BRAT1: variants seen among roughly 807,000 people sequenced by gnomAD.
BRAT1 encodes BRCA1 associated ATM activator 1.
In BRAT1, 74 loss-of-function variants were observed where a neutral mutation model predicts 70.6. The observed-to-expected ratio is 1.05, with a 90% CI of 0.87 to 1.27. BRAT1 has a LOEUF of 1.27. Ranked by LOEUF, BRAT1 falls within the 50% of genes most tolerant of loss-of-function variation. The pLI, the probability that BRAT1 is intolerant of heterozygous loss-of-function variation, is 0.00. For missense variants in BRAT1, 1,203 were observed against 1,098.2 expected (o/e 1.10, Z -1.35); for synonymous variants, 615 against 517.1 (o/e 1.19, Z -2.57).
intron 7 of BRAT1, 82 bp from the exon 8 acceptor site, chr7:2,541,918 A>G: frequency 6.8e-7 from 1 of 1,461,938 alleles, no homozygotes; most frequent in South Asian, 1.2e-5. Flanking sequence ...GTCACCACCC[A>G]CAGCACAGGC....
At chr7:2,545,525 C>CT in intron 3 of BRAT1, among the ~76,000 whole-genome samples, 2 of 137,192 alleles carry the variant, frequency 1.5e-5, no homozygotes, top group South Asian at 4.5e-4. Flanking sequence ...CAGTCCCACT[C>CT]TGTTGCCTAG....
At chr7:2,540,767 A>C in intron 10 of BRAT1, 1 of 455,636 alleles carries the variant, frequency 2.2e-6, no homozygotes, top group South Asian at 5.8e-5. Context: ...ACGGCCCCAC[A>C]CACCCCTGCG....
intron 3 of BRAT1, among the ~76,000 whole-genome samples, chr7:2,545,496 C>CTT (rs71550356): frequency 0.13 from 17,198 of 129,822 alleles, 1,644 homozygotes; most frequent in Admixed American, 0.17. Context: ...CTTTCTTCTT[C>CTT]TTTTTTTTTT....
At chr7:2,544,800 A>G in intron 4 of BRAT1, 109 bp downstream of exon 4, 2 of 1,449,062 alleles carry the variant, frequency 1.4e-6, no homozygotes, top group Non-Finnish European at 1.8e-6. Flanking sequence ...TCTTTGCAAC[A>G]ACCCTGAGAC....
chr7:2,542,740 A>C, intron 6 of BRAT1: 1 of 173,376 alleles, frequency 5.8e-6, no homozygotes, highest in Non-Finnish European at 1.3e-5. Context: ...GGTCACTTCC[A>C]CCCCTATTGT....
rs1253049190 is a variant in BRAT1 at position 2,543,997 on chromosome 7, G to A, written c.431-35C>T. On this transcript the variant is annotated intron_variant, in intron 4 of 13. Transcript: ENST00000340611. The surrounding 1 kb of genome is among the most constrained non-coding windows in gnomAD (Gnocchi z 5.5). ...GGATGGGGGAAGAGAGGGAAAAGGGGGTGAGCCAGAATAGAGCTGGGGGAG... is the reference window on the plus strand; with the variant it reads ...GGATGGGGGAAGAGAGGGAAAAGGGAGTGAGCCAGAATAGAGCTGGGGGAG... 4 of 1,510,274 alleles carry A rather than the reference G, an allele frequency of 2.6e-6. No homozygotes were observed. The highest frequency in any genetic ancestry group is 2.8e-5 in the African/African-American group (2 of 71,288). 93.6% of individuals were successfully genotyped at this position (1,510,274 alleles called of 1,614,324 possible). A position where few individuals can be genotyped will look rare whatever the true frequency, so the allele number is the denominator to read the frequency against.
chr7:2,550,481 C>CAAAAAAAAAAA (rs369777124), intron 2 of BRAT1, among the ~76,000 whole-genome samples: 10 of 57,562 alleles, frequency 1.7e-4, no homozygotes, highest in African/African-American at 6.4e-4. Flanking sequence ...AAAAAAAAAA[C>CAAAAAAAAAAA]AAAAAAAAAA....
chr7:2,540,019 G>T, intron 10 of BRAT1, 131 bp from the exon 11 acceptor site: 1 of 633,280 alleles, frequency 1.6e-6, no homozygotes, highest in South Asian at 2.2e-5. Context: ...GAGAGAGAAG[G>T]GAACGCTGGG....
intron 8 of BRAT1, 98 bp downstream of exon 8, chr7:2,541,620 G>C: frequency 1.4e-6 from 2 of 1,465,858 alleles, no homozygotes; most frequent in Non-Finnish European, 1.8e-6. Context: ...GGATGCAAGG[G>C]TGCTGGGGCA....
At chr7:2,553,045 A>C (rs6956007) in intron 2 of BRAT1, among the ~76,000 whole-genome samples, 13,152 of 151,288 alleles carry the variant, frequency 0.087, 1,254 homozygotes, top group East Asian at 0.28. Flanking sequence ...CGCTCGACTG[A>C]CACTATTTTT....
chr7:2,547,906 A>C lies in BRAT1; in HGVS notation c.128-428T>G, dbSNP rs372940545. 4.6e-5 allele frequency among the ~76,000 whole-genome samples: 7 copies of C among 152,240 alleles called. No homozygotes were observed. The East Asian group carries it at 1.2e-3, about 25-fold the overall frequency. ...GAGACCAGCCTGGCCAACATGGCGAAGTCCCATCTCTACTAAAAATACAAA... is the reference window on the plus strand; with the variant it reads ...GAGACCAGCCTGGCCAACATGGCGACGTCCCATCTCTACTAAAAATACAAA... On this transcript the variant is annotated intron_variant, in intron 2 of 13. Coordinates refer to ENST00000340611, the MANE Select transcript of BRAT1 (RefSeq NM_152743.4).
Position 2,537,896 on chromosome 7 carries a change from ATTTC to A in BRAT1, c.*169_*172del, listed in dbSNP as rs1377867120. 9.0e-7 allele frequency: 1 copy of A among 1,112,228 alleles called. No individual in the cohort carries two copies. Among genetic ancestry groups the A allele is most frequent in the Middle Eastern group, 3.1e-4 (1 of 3,226 alleles). The allele number at this position is 1,112,228 out of a possible 1,614,324, so 68.9% of individuals were successfully genotyped here. On this transcript the variant is annotated 3_prime_UTR_variant, in exon 14 of 14. Coordinates refer to ENST00000340611, the MANE Select transcript of BRAT1 (RefSeq NM_152743.4). ...CATTTATTTTGAGTAGAAATAAGTCATTTCTTTAATACATCAAACTGTGGGATTT... is the reference window on the plus strand; with the variant it reads ...CATTTATTTTGAGTAGAAATAAGTCATTTAATACATCAAACTGTGGGATTT...
In BRAT1 at chr7:2,543,853, G is replaced by A. The variant is rs752912117; in HGVS notation, c.540C>T (p.Ala180=). ...CCCCCGGCAGGCAGGGCTGCCCCTC[G>A]GCTCCACCTCGCATGGACAAAGCCA... The part of the protein sequence containing the change: ...HVLALSMRGG[A]EGQPCLPGGD... The change falls in exon 5 of 14, where the codon GCC becomes GCT. Residue 180 remains alanine (A), a synonymous_variant. Coordinates refer to ENST00000340611, the MANE Select transcript of BRAT1 (RefSeq NM_152743.4). This position sits in a 1 kb window ranked among gnomAD's most constrained non-coding sequence, Gnocchi z 5.5. The A allele has an allele frequency of 2.2e-5, 36 of 1,612,730 alleles. No individual in the cohort carries two copies. Among genetic ancestry groups the A allele is most frequent in the East Asian group, 1.3e-4 (6 of 44,876 alleles).
intron 3 of BRAT1, 134 bp from the exon 4 acceptor site, chr7:2,545,190 C>A: frequency 4.0e-6 from 4 of 996,290 alleles, no homozygotes; most frequent in Non-Finnish European, 5.6e-6. Context: ...ATGGTGAAAC[C>A]CCATCTCTAC....
At chr7:2,542,708 C>G (rs1779272338) in intron 6 of BRAT1, 1 of 178,650 alleles carries the variant, frequency 5.6e-6, no homozygotes, top group African/African-American at 2.4e-5. Context: ...TACCCCTGGG[C>G]CCTGTGGGCA....
At chr7:2,540,777 GTGC>G (rs1269288835) in intron 10 of BRAT1, 199 bp downstream of exon 10, 2 of 495,954 alleles carry the variant, frequency 4.0e-6, no homozygotes, top group African/African-American at 2.0e-5. Context: ...ACACCCCTGC[GTGC>G]TGATGTATCT....
chr7:2,541,638 GT>G, intron 8 of BRAT1, 79 bp downstream of exon 8: 2 of 1,482,634 alleles, frequency 1.3e-6, no homozygotes, highest in Non-Finnish European at 1.8e-6. Context: ...GCAGCAAGGG[GT>G]GGGGGGCGTC....
intron 2 of BRAT1, among the ~76,000 whole-genome samples, chr7:2,550,637 T>C (rs998620227): frequency 1.3e-5 from 2 of 150,976 alleles, no homozygotes; most frequent in Non-Finnish European, 2.9e-5. Flanking sequence ...AGCAAGAACA[T>C]AGCAGGTCTG....
Position 2,538,882 on chromosome 7 carries a change from C to T in BRAT1, c.1771-118G>A, listed in dbSNP as rs766008614. ...GGACATGCAGTCTAGGGCCACAGCC[C>T]GCTCTGACACCTTCCCATGCTGCGC... is the stretch of plus-strand genomic sequence containing the variant. On this transcript the variant is annotated intron_variant, in intron 13 of 13. Coordinates refer to ENST00000340611, the MANE Select transcript of BRAT1 (RefSeq NM_152743.4). 4.1e-4 allele frequency: 615 copies of T among 1,499,586 alleles called. No homozygotes were observed. Among genetic ancestry groups the T allele is most frequent in the Non-Finnish European group, 5.3e-4 (599 of 1,128,674 alleles). 92.9% of individuals were successfully genotyped at this position (1,499,586 alleles called of 1,614,324 possible).
Sources: gnomAD v4.1 joint callset for allele counts (sites outside exome capture counted in the v4.1 genomes callset) on GRCh38, gnomAD v4.1.1 for gene constraint, Gnocchi (gnomAD v3.1) non-coding constraint, MANE v1.5 for transcripts, NCBI Gene and HGNC (gene_info 2026-07-23, HGNC 2026-07-21) for gene names.